CNTNAP2: variants seen among roughly 807,000 people sequenced by gnomAD.
CNTNAP2 encodes the protein contactin-associated protein-like 2.
In CNTNAP2, 98 loss-of-function variants were observed where a neutral mutation model predicts 155.2. The ratio of observed to expected loss-of-function variants is 0.63; its 90% CI spans 0.54 to 0.75. CNTNAP2 has a LOEUF of 0.75. CNTNAP2 is among the 30% of genes least tolerant of loss of function. The pLI is 0.00. For missense variants in CNTNAP2, 1,727 were observed against 1,688.1 expected (o/e 1.02, Z -0.40); for synonymous variants, 651 against 631.2 (o/e 1.03, Z -0.47).
rs202161323 is a variant in CNTNAP2, at chr7:146,507,908, G to A, written c.98-266363G>A. ...TTCCATGTGAAGACAAACTGTTCCTGGCTCTCTGGTGTGATGTCAATTGGG... is the reference window on the plus strand; with the variant it reads ...TTCCATGTGAAGACAAACTGTTCCTAGCTCTCTGGTGTGATGTCAATTGGG... On this transcript the variant is annotated intron_variant, in intron 1 of 23. Coordinates refer to ENST00000361727, the MANE Select transcript of CNTNAP2 (RefSeq NM_014141.6). 2.6e-5 allele frequency among the ~76,000 whole-genome samples: 4 copies of A among 152,230 alleles called. No homozygotes were observed. The East Asian group carries it at 5.8e-4, about 22-fold the overall frequency.
chr7:146,411,540 T>C (rs1795864635), intron 1 of CNTNAP2, among the ~76,000 whole-genome samples: 1 of 152,144 alleles, frequency 6.6e-6, no homozygotes, highest in South Asian at 2.1e-4. Context: ...TTAATTAACT[T>C]GATGTAGCCA....
At chr7:148,347,292 T>C in intron 21 of CNTNAP2, among the ~76,000 whole-genome samples, 1 of 151,556 alleles carries the variant, frequency 6.6e-6, no homozygotes, top group South Asian at 2.1e-4. Context: ...AAACCAACTA[T>C]CTAAGGCAGA....
intron 9 of CNTNAP2, among the ~76,000 whole-genome samples, chr7:147,318,661 T>G (rs1385273638): frequency 6.6e-6 from 1 of 151,514 alleles, no homozygotes; most frequent in East Asian, 1.9e-4. Flanking sequence ...CTGGGGCCTA[T>G]CGGGAGGTGG....
At chr7:147,924,622 TCCA>T (rs1478446147) in intron 14 of CNTNAP2, among the ~76,000 whole-genome samples, 2 of 152,056 alleles carry the variant, frequency 1.3e-5, no homozygotes, top group East Asian at 3.9e-4. Context: ...GCCATGATAC[TCCA>T]CCTCCTGTAG....
chr7:146,991,588 T>C (rs182222931), intron 3 of CNTNAP2, among the ~76,000 whole-genome samples: 1 of 152,340 alleles, frequency 6.6e-6, no homozygotes, highest in Admixed American at 6.5e-5. Context: ...AATAACACAT[T>C]GTAAAACCAA....
At chr7:146,417,035 T>C (rs1207600636) in intron 1 of CNTNAP2, among the ~76,000 whole-genome samples, 2 of 152,120 alleles carry the variant, frequency 1.3e-5, no homozygotes, top group Non-Finnish European at 2.9e-5. Flanking sequence ...TATTATGCTG[T>C]GGACTCACTC....
In CNTNAP2 at chr7:148,207,294, C is replaced by T. The variant is rs573529625; in HGVS notation, c.3011-9994C>T. ...AAGAGTGAATAAATAGCTAAGTAGT[C>T]GGGCAGGAGAGGGAAATGGGAACAG... On this transcript the variant is annotated intron_variant, in intron 18 of 23. Transcript: ENST00000361727. 5.3e-5 allele frequency among the ~76,000 whole-genome samples: 8 copies of T among 152,260 alleles called. No homozygotes were observed. In the East Asian group the frequency reaches 9.7e-4, roughly 18 times the overall value.
At chr7:146,248,174 G>T (rs1368204974) in intron 1 of CNTNAP2, among the ~76,000 whole-genome samples, 1 of 151,884 alleles carries the variant, frequency 6.6e-6, no homozygotes, top group Non-Finnish European at 1.5e-5. Flanking sequence ...AGGTCCGGGT[G>T]CGGAAATAAG....
intron 20 of CNTNAP2, among the ~76,000 whole-genome samples, chr7:148,266,181 C>T (rs183577677): frequency 1.3e-5 from 2 of 152,312 alleles, no homozygotes; most frequent in Middle Eastern, 3.4e-3. Flanking sequence ...TCATGCTGAC[C>T]TTAGCACGTA....
chr7:147,505,137 G>A (rs13240170), intron 11 of CNTNAP2, among the ~76,000 whole-genome samples: 1 of 152,232 alleles, frequency 6.6e-6, no homozygotes, highest in Admixed American at 6.5e-5. Context: ...CCCTGGCTCA[G>A]AAACAGTTCT....
intron 1 of CNTNAP2, among the ~76,000 whole-genome samples, chr7:146,629,749 T>C (rs1182165139): frequency 4.6e-5 from 7 of 152,150 alleles, no homozygotes; most frequent in Non-Finnish European, 1.0e-4. Flanking sequence ...CCCAAAACTT[T>C]ATGGCACACT....
chr7:146,752,755 T>G (rs1383137940), intron 1 of CNTNAP2, among the ~76,000 whole-genome samples: 2 of 152,218 alleles, frequency 1.3e-5, no homozygotes, highest in Admixed American at 6.5e-5. Flanking sequence ...GTTTGGGGTT[T>G]TACATGAAAG....
At chr7:146,868,685 T>C (rs1795250486) in intron 3 of CNTNAP2, among the ~76,000 whole-genome samples, 1 of 152,134 alleles carries the variant, frequency 6.6e-6, no homozygotes, top group South Asian at 2.1e-4. Context: ...TCTTCTCTGA[T>C]TTCCTTGAGC....
At chr7:147,523,452 G>A (rs895993980) in intron 11 of CNTNAP2, among the ~76,000 whole-genome samples, 2 of 152,152 alleles carry the variant, frequency 1.3e-5, no homozygotes, top group Non-Finnish European at 2.9e-5. Flanking sequence ...TCAGAGGGAG[G>A]GGATTATACA....
At chr7:148,127,228 C>T (rs930564631) in intron 16 of CNTNAP2, among the ~76,000 whole-genome samples, 3 of 152,068 alleles carry the variant, frequency 2.0e-5, no homozygotes, top group Non-Finnish European at 4.4e-5. Context: ...TCACTTGAAT[C>T]CAGGAGGCTG....
At chr7:146,942,578 G>A (rs1307039834) in intron 3 of CNTNAP2, among the ~76,000 whole-genome samples, 2 of 152,008 alleles carry the variant, frequency 1.3e-5, no homozygotes. Context: ...AAATAAAAAG[G>A]CCGACACTGC....
Position 147,128,722 on chromosome 7 carries a change from C to G in CNTNAP2, c.969C>G (p.Gly323=). 6.2e-7 allele frequency: 1 copy of G among 1,614,018 alleles called. No individual in the cohort carries two copies. The highest frequency in any genetic ancestry group is 8.5e-7 in the Non-Finnish European group (1 of 1,179,932). Residue 323 remains glycine, a synonymous_variant, in exon 7 of 24, where the codon GGC becomes GGG. Coordinates refer to ENST00000361727, the MANE Select transcript of CNTNAP2 (RefSeq NM_014141.6). ...EITFGGIPFS[G]KPSSSSRKNF... ...CCTTTGGAGGCATCCCTTTCTCTGG[C>G]AAGCCCAGCTCCAGCAGTAGAAAGA...
intron 4 of CNTNAP2, chr7:147,080,944 A>T (rs1800111954): frequency 6.6e-6 from 1 of 152,042 alleles, no homozygotes; most frequent in South Asian, 2.1e-4. Context: ...TTCACACATA[A>T]TATTGTTTAT....
At chr7:147,485,461 G>C (rs1443798697) in intron 10 of CNTNAP2, among the ~76,000 whole-genome samples, 1 of 152,122 alleles carries the variant, frequency 6.6e-6, no homozygotes, top group Non-Finnish European at 1.5e-5. Flanking sequence ...TTCTAAGTTA[G>C]TATATTTTCA....
Sources: allele counts gnomAD v4.1 joint callset (sites outside exome capture counted in the v4.1 genomes callset), GRCh38; gene constraint gnomAD v4.1.1; transcripts MANE v1.5; gene names NCBI Gene and HGNC (gene_info 2026-07-23, HGNC 2026-07-21).